Variants in UBE2G2 observed in about 807,000 individuals in gnomAD.
UBE2G2 encodes ubiquitin-conjugating enzyme E2 G2.
Under a neutral mutation model 23.0 loss-of-function variants are expected in UBE2G2, and 10 were observed. The observed-to-expected ratio is 0.43, with a 90% confidence interval of 0.27 to 0.74. The LOEUF (loss-of-function observed/expected upper bound fraction) is 0.74, where lower values mean the gene tolerates loss of function less well. Ranked by LOEUF, UBE2G2 falls within the 30% of genes least tolerant of loss-of-function variation. UBE2G2 has a pLI of 0.19. For synonymous variants in UBE2G2, 86 were observed against 81.3 expected (o/e 1.06, Z -0.31); for missense variants, 150 against 218.3 (o/e 0.69, Z 1.97).
At chr21:44,778,585 C>T (rs188523852) in intron 3 of UBE2G2, among the ~76,000 whole-genome samples, 2 of 152,288 alleles carry the variant, frequency 1.3e-5, no homozygotes, top group Admixed American at 1.3e-4. Context: ...ACCTTCACAC[C>T]AGGGACGAAC....
intron 1 of UBE2G2, among the ~76,000 whole-genome samples, chr21:44,795,360 A>T (rs143964988): frequency 6.6e-6 from 1 of 152,336 alleles, no homozygotes; most frequent in African/African-American, 2.4e-5. Context: ...GGAAGGGCGC[A>T]GTGGCTCGCA....
rs1555959695 is a variant in UBE2G2, at chr21:44,770,408, A to T, written c.*969T>A. 6.6e-6 allele frequency: 1 copy of T among 152,120 alleles called. No individual in the cohort carries two copies. The highest frequency in any genetic ancestry group is 2.4e-5 in the African/African-American group (1 of 41,424). The allele number at this position is 152,120 out of a possible 1,614,324, so 9.4% of individuals were successfully genotyped here. A position where few individuals can be genotyped will look rare whatever the true frequency, so the allele number is the denominator to read the frequency against. On this transcript the variant is annotated 3_prime_UTR_variant, in exon 6 of 6. Coordinates refer to ENST00000345496, the MANE Select transcript of UBE2G2 (RefSeq NM_003343.6). ...CGGGAAAAAACTGTCTGTCCTTGTG[A>T]TCAGCAATAAATTTCTTTTTTCTTT...
chr21:44,801,744 G>T lies in UBE2G2; in HGVS notation c.5C>A (p.Ala2Glu), dbSNP rs868924067. 6.6e-7 allele frequency: 1 copy of T among 1,519,816 alleles called. No individual in the cohort carries two copies. The allele number at this position is 1,519,816 out of a possible 1,614,324, so 94.1% of individuals were successfully genotyped here. Reference sequence around the variant, plus strand: ...CATCAGCCTCTTGAGCGCGGTCCCCGCCATGGCCCCGCAACAGCTGCGCCG... The same window carrying T: ...CATCAGCCTCTTGAGCGCGGTCCCCTCCATGGCCCCGCAACAGCTGCGCCG... Reference protein sequence around the residue: MAGTALKRLMAE... With the variant: MEGTALKRLMAE... Residue 2 changes from alanine to glutamate, a missense_variant, in exon 1 of 6, where the codon GCG becomes GAG. Coordinates refer to ENST00000345496, the MANE Select transcript of UBE2G2 (RefSeq NM_003343.6).
chr21:44,784,425 T>C (rs561357489), intron 3 of UBE2G2, among the ~76,000 whole-genome samples: 1 of 152,066 alleles, frequency 6.6e-6, no homozygotes, highest in East Asian at 2.0e-4. Flanking sequence ...TTATTATTAC[T>C]GCAATGAATG....
chr21:44,791,692 G>A (rs575634029), intron 1 of UBE2G2, among the ~76,000 whole-genome samples: 4 of 152,346 alleles, frequency 2.6e-5, no homozygotes, highest in Non-Finnish European at 5.9e-5. Flanking sequence ...GGGAAATGTG[G>A]GGTTGGAGCT....
intron 4 of UBE2G2, chr21:44,775,020 T>C: frequency 3.4e-6 from 1 of 289,892 alleles, no homozygotes; most frequent in Non-Finnish European, 6.8e-6. Context: ...TCCTCCCACC[T>C]GTCCTTTGCA....
At chr21:44,781,710 C>T (rs1439298352) in intron 3 of UBE2G2, among the ~76,000 whole-genome samples, 3 of 152,156 alleles carry the variant, frequency 2.0e-5, no homozygotes, top group Admixed American at 6.5e-5. Context: ...TGGTTTAAAC[C>T]CAGAGATCCC....
At chr21:44,780,858 G>T (rs1569295931) in intron 3 of UBE2G2, among the ~76,000 whole-genome samples, 1 of 152,220 alleles carries the variant, frequency 6.6e-6, no homozygotes, top group African/African-American at 2.4e-5. Context: ...GGGAGAGATT[G>T]TTCTTCTTTG....
intron 1 of UBE2G2, among the ~76,000 whole-genome samples, chr21:44,796,568 C>CATA (rs1484589688): frequency 2.6e-5 from 4 of 152,146 alleles, no homozygotes; most frequent in Non-Finnish European, 4.4e-5. Flanking sequence ...AATTTTATCA[C>CATA]ATTATTAAGA....
At chr21:44,793,275 A>C (rs1555963180) in intron 1 of UBE2G2, among the ~76,000 whole-genome samples, 1 of 152,208 alleles carries the variant, frequency 6.6e-6, no homozygotes, top group Non-Finnish European at 1.5e-5. Flanking sequence ...TTTACAAATC[A>C]CCTTCGTGGG....
At chr21:44,793,218 G>A (rs2083058925) in intron 1 of UBE2G2, among the ~76,000 whole-genome samples, 1 of 152,246 alleles carries the variant, frequency 6.6e-6, no homozygotes, top group South Asian at 2.1e-4. Flanking sequence ...GAAACACAAT[G>A]TCAGTGGGCA....
Position 44,772,372 on chromosome 21 carries a change from C to A in UBE2G2, c.386-883G>T, listed in dbSNP as rs1433125834. ...CCTGACCTCACATCCCTCTAGACCC[C>A]ACTCCACGGCACCCAAAGGCTCTGC... On this transcript the variant is annotated intron_variant, in intron 5 of 5. Transcript: ENST00000345496. This position sits in a 1 kb window ranked among gnomAD's most constrained non-coding sequence, Gnocchi z 5.4. 6.6e-6 allele frequency among the ~76,000 whole-genome samples: 1 copy of A among 152,156 alleles called. No homozygotes were observed. The highest frequency in any genetic ancestry group is 6.5e-5 in the Admixed American group (1 of 15,282).
Position 44,777,428 on chromosome 21 carries a change from T to C in UBE2G2, c.126-11A>G, listed in dbSNP as rs376277265. 3.7e-6 allele frequency: 6 copies of C among 1,610,770 alleles called. No individual in the cohort carries two copies. Among genetic ancestry groups the C allele is most frequent in the Middle Eastern group, 1.7e-4 (1 of 6,060 alleles). On this transcript the variant is annotated splice_polypyrimidine_tract_variant and intron_variant, in intron 3 of 5. Coordinates refer to ENST00000345496, the MANE Select transcript of UBE2G2 (RefSeq NM_003343.6). Reference sequence around the variant, plus strand: ...GTGTCTTCTGGGCCCCTAGAAGATATAAAATACGTAGACTGAACTTCAAAG... The same window carrying C: ...GTGTCTTCTGGGCCCCTAGAAGATACAAAATACGTAGACTGAACTTCAAAG...
At chr21:44,801,487 G>T in intron 1 of UBE2G2, 1 of 1,105,974 alleles carries the variant, frequency 9.0e-7, no homozygotes, top group Non-Finnish European at 1.2e-6. Flanking sequence ...CGCCGGCGCT[G>T]CCTTTACTGA....
intron 4 of UBE2G2, 76 bp downstream of exon 4, chr21:44,777,223 C>T (rs1218711408): frequency 2.4e-6 from 3 of 1,238,194 alleles, no homozygotes; most frequent in African/African-American, 3.0e-5. Flanking sequence ...ATAGAATATA[C>T]CACATTTCAG....
At chr21:44,774,521 C>G in intron 4 of UBE2G2, 1 of 262,844 alleles carries the variant, frequency 3.8e-6, no homozygotes, top group Non-Finnish European at 7.6e-6. Context: ...AGTTAATAAG[C>G]TCTGAATTTC....
intron 1 of UBE2G2, among the ~76,000 whole-genome samples, chr21:44,789,891 A>T (rs1467352806): frequency 6.6e-6 from 1 of 152,016 alleles, no homozygotes; most frequent in African/African-American, 2.4e-5. Context: ...GAAACGAGAG[A>T]TTTGCCTCTG....
intron 1 of UBE2G2, chr21:44,801,317 T>G: frequency 9.6e-7 from 1 of 1,044,508 alleles, no homozygotes; most frequent in South Asian, 4.1e-5. Context: ...CTTTCCCCTT[T>G]TAACGCATAC....
At position 44,773,185 on chromosome 21, in the gene UBE2G2, T is replaced by C. The variant is rs1014012884; in HGVS notation, c.385+362A>G. 1.1e-4 allele frequency among the ~76,000 whole-genome samples: 17 copies of C among 152,096 alleles called. 1 individual carries two copies. Among genetic ancestry groups the C allele is most frequent in the African/African-American group, 3.9e-4 (16 of 41,438 alleles). ...CACTGGCCTCTAACTGCTGGTAGGC[T>C]TGGACAGTTCCCTAGAACGTAGGAA... On this transcript the variant is annotated intron_variant, in intron 5 of 5. Coordinates refer to ENST00000345496, the MANE Select transcript of UBE2G2 (RefSeq NM_003343.6).
Sources: gnomAD v4.1 joint callset for allele counts (sites outside exome capture counted in the v4.1 genomes callset) on GRCh38, gnomAD v4.1.1 for gene constraint, Gnocchi (gnomAD v3.1) non-coding constraint, MANE v1.5 for transcripts, NCBI Gene and HGNC (gene_info 2026-07-23, HGNC 2026-07-21) for gene names.